The following COG5 variants were observed in gnomAD, a reference collection of about 807,000 sequenced individuals.
The protein encoded by COG5 is component of oligomeric golgi complex 5, also known as conserved oligomeric Golgi complex subunit 5.
COG5 carries 86 observed loss-of-function variants against 110.4 expected under a neutral mutation model. That is an observed-to-expected ratio of 0.78 (90% confidence interval 0.65 to 0.93). The LOEUF (loss-of-function observed/expected upper bound fraction) is 0.93. Among genes scored for constraint, COG5 ranks in the 40% least tolerant of loss-of-function variants. The pLI is 0.00. For missense variants in COG5, 1,077 were observed against 987.0 expected, an observed-to-expected ratio of 1.09 and a Z score of -1.22; for synonymous variants, 360 against 334.6, an observed-to-expected ratio of 1.08 and a Z score of -0.83.
intron 11 of COG5, among the ~76,000 whole-genome samples, chr7:107,309,048 G>A (rs1250463044): frequency 1.4e-5 from 2 of 147,850 alleles, no homozygotes; most frequent in African/African-American, 4.9e-5. Context: ...CAACATAAGT[G>A]ATAAAGGGGT....
chr7:107,322,657 T>A (rs1809412589), intron 11 of COG5, among the ~76,000 whole-genome samples: 1 of 152,282 alleles, frequency 6.6e-6, no homozygotes, highest in Non-Finnish European at 1.5e-5. Flanking sequence ...CCATTTTGGA[T>A]TATAGCACTG....
intron 19 of COG5, among the ~76,000 whole-genome samples, chr7:107,225,030 G>C (rs999759185): frequency 1.3e-5 from 2 of 152,214 alleles, no homozygotes; most frequent in Non-Finnish European, 2.9e-5. Flanking sequence ...ACCTACTAAG[G>C]CCTGTGTGTG....
chr7:107,364,582 G>T (rs998775629), intron 8 of COG5, among the ~76,000 whole-genome samples: 10 of 152,094 alleles, frequency 6.6e-5, no homozygotes, highest in Non-Finnish European at 1.3e-4. Context: ...ATCCCAAATT[G>T]AAAGGCATAC....
intron 6 of COG5, among the ~76,000 whole-genome samples, chr7:107,491,980 C>T (rs529147418): frequency 1.3e-5 from 2 of 152,044 alleles, no homozygotes; most frequent in African/African-American, 4.8e-5. Flanking sequence ...AACAGATGGA[C>T]ACATATAAAA....
In COG5 at chr7:107,370,615, G is replaced by A. The variant is rs1277447205; in HGVS notation, c.835+1980C>T. ...AGCCTGGCCAACATGATGAAACCCC[G>A]TCTCTACTAAAAATATAAAAATTAG... On this transcript the variant is annotated intron_variant, in intron 8 of 21. Transcript: ENST00000297135. Among the ~76,000 whole-genome samples, 6 of 151,524 alleles carry A rather than the reference G, an allele frequency of 4.0e-5. No homozygotes were observed. The South Asian group carries it at 6.3e-4, about 16-fold the overall frequency.
At chr7:107,405,908 T>A (rs1187584108) in intron 7 of COG5, among the ~76,000 whole-genome samples, 1 of 152,160 alleles carries the variant, frequency 6.6e-6, no homozygotes, top group Non-Finnish European at 1.5e-5. Flanking sequence ...CATTTGTGAA[T>A]CAGAATGTTG....
intron 3 of COG5, 58 bp downstream of exon 3, chr7:107,554,225 CAA>C: frequency 4.0e-6 from 6 of 1,501,800 alleles, no homozygotes; most frequent in Non-Finnish European, 5.6e-6. Context: ...AGTAGCTTGC[CAA>C]AGCTTGCCAA....
intron 6 of COG5, among the ~76,000 whole-genome samples, chr7:107,497,876 T>TC (rs752930994): frequency 9.2e-5 from 14 of 152,192 alleles, no homozygotes; most frequent in Non-Finnish European, 2.1e-4. Context: ...ATCATCATAC[T>TC]TCTTTATATA....
intron 10 of COG5, among the ~76,000 whole-genome samples, chr7:107,346,128 T>C (rs1350204190): frequency 6.6e-6 from 1 of 152,316 alleles, no homozygotes; most frequent in East Asian, 1.9e-4. Flanking sequence ...AACTGATTGC[T>C]AGAAAAGCCT....
chr7:107,450,842 T>C (rs539493509), intron 6 of COG5, among the ~76,000 whole-genome samples: 1 of 152,194 alleles, frequency 6.6e-6, no homozygotes, highest in Admixed American at 6.5e-5. Context: ...CTGAAGTCAG[T>C]ACCTTGCCTT....
intron 6 of COG5, among the ~76,000 whole-genome samples, chr7:107,451,588 C>G (rs1795344731): frequency 6.6e-6 from 1 of 152,090 alleles, no homozygotes; most frequent in African/African-American, 2.4e-5. Flanking sequence ...TTCTACCTCC[C>G]TCCATCTCTT....
At chr7:107,532,887 C>A (rs1011788324) in intron 5 of COG5, among the ~76,000 whole-genome samples, 1 of 152,244 alleles carries the variant, frequency 6.6e-6, no homozygotes, top group Admixed American at 6.5e-5. Context: ...AATTATATTT[C>A]TTTGCCAAAA....
At chr7:107,490,351 A>G (rs1196263235) in intron 6 of COG5, among the ~76,000 whole-genome samples, 1 of 152,258 alleles carries the variant, frequency 6.6e-6, no homozygotes, top group East Asian at 1.9e-4. Flanking sequence ...TTAATGCAGA[A>G]ATCTTTACAG....
chr7:107,396,010 A>G (rs186161339), intron 7 of COG5, among the ~76,000 whole-genome samples: 49 of 152,334 alleles, frequency 3.2e-4, no homozygotes, highest in African/African-American at 1.2e-3. Context: ...TATGAAGAAC[A>G]CTTAATAAAT....
At chr7:107,316,513 G>C (rs962187735) in intron 11 of COG5, among the ~76,000 whole-genome samples, 3 of 151,946 alleles carry the variant, frequency 2.0e-5, no homozygotes, top group African/African-American at 7.2e-5. Context: ...GGTTTGTAAT[G>C]GTTAAGAAAA....
At position 107,508,507 on chromosome 7, in the gene COG5, C is replaced by T. The variant is rs574095074; in HGVS notation, c.538+18730G>A. ...GTAACCTCTGCAGACTTAAAGGTCC[C>T]TGTCTGACAGCTTTGAAGAGAGTAG... On this transcript the variant is annotated intron_variant, in intron 6 of 21. Coordinates refer to ENST00000297135, the MANE Select transcript of COG5 (RefSeq NM_006348.5). Among the ~76,000 whole-genome samples, 282 of 152,340 alleles carry T rather than the reference C, an allele frequency of 1.9e-3. 2 individuals are homozygous for T. The highest frequency in any genetic ancestry group is 6.6e-3 in the African/African-American group (273 of 41,574).
Position 107,283,625 on chromosome 7 carries a change from C to T in COG5, c.1421G>A (p.Gly474Asp). 1 of 1,613,920 alleles carries T rather than the reference C, an allele frequency of 6.2e-7. No homozygotes were observed. The highest frequency in any genetic ancestry group is 1.1e-5 in the South Asian group (1 of 91,076). The change falls in exon 13 of 22, where the codon GGT becomes GAT. Residue 474 changes from glycine to aspartate, a missense_variant. Coordinates refer to ENST00000297135, the MANE Select transcript of COG5 (RefSeq NM_006348.5). ...TTCATCAGAGGAAGGAGGATTACGA[C>T]CACCCGGGGGAAAAACCAAGTTGAT... ...DPINLVFPPG[G>D]RNPPSSDELD...
intron 6 of COG5, among the ~76,000 whole-genome samples, chr7:107,511,327 A>C (rs561586954): frequency 1.3e-5 from 2 of 152,222 alleles, no homozygotes; most frequent in South Asian, 2.1e-4. Flanking sequence ...CACATACACC[A>C]TCCCAAGACT....
intron 6 of COG5, among the ~76,000 whole-genome samples, chr7:107,435,467 A>C (rs1794309980): frequency 6.6e-6 from 1 of 152,162 alleles, no homozygotes; most frequent in African/African-American, 2.4e-5. Flanking sequence ...AGCCTGACCA[A>C]CATGGTGAAA....
Sources: gnomAD v4.1 joint callset for allele counts (sites outside exome capture counted in the v4.1 genomes callset) on GRCh38, gnomAD v4.1.1 for gene constraint, MANE v1.5 for transcripts, NCBI Gene and HGNC (gene_info 2026-07-23, HGNC 2026-07-21) for gene names.